SEMA3E: variants seen among roughly 807,000 people sequenced by gnomAD.
The protein encoded by SEMA3E is semaphorin-3E.
SEMA3E carries 49 observed loss-of-function variants against 93.6 expected under a neutral mutation model. The observed-to-expected ratio is 0.52, with a 90% confidence interval of 0.42 to 0.66. SEMA3E has a LOEUF of 0.66. SEMA3E is among the 30% of genes least tolerant of loss of function. SEMA3E has a pLI of 0.00. For synonymous variants in SEMA3E, 363 were observed against 330.7 expected (o/e 1.10, Z -1.06); for missense variants, 906 against 964.8 (o/e 0.94, Z 0.81).
At chr7:83,385,470 G>C (rs538773592) in intron 15 of SEMA3E, 37 bp from the exon 16 acceptor site, 3 of 1,604,122 alleles carry the variant, frequency 1.9e-6, no homozygotes, top group Middle Eastern at 1.7e-4. Context: ...TTGAGACTTA[G>C]ATTTTATAGG....
rs34741502 is a variant in SEMA3E at position 83,431,949 on chromosome 7, C to CTTT, written c.457-13469_457-13467dup. On this transcript the variant is annotated intron_variant, in intron 4 of 16. Transcript: ENST00000643230. ...TATTCACTCCCCAATTAATTGGTGA[C>CTTT]TTTTTTTTTTTTTTTTGGAATGCTC... Among the ~76,000 whole-genome samples, 172 of 139,160 alleles carry CTTT rather than the reference C, an allele frequency of 1.2e-3. 1 individual carries two copies. Among genetic ancestry groups the CTTT allele is most frequent in the Middle Eastern group, 7.6e-3 (2 of 264 alleles). The allele number at this position is 139,160 out of a possible 152,430, so 91.3% of individuals were successfully genotyped here.
chr7:83,648,133 T>C (rs1271602110), intron 1 of SEMA3E, among the ~76,000 whole-genome samples: 3 of 152,090 alleles, frequency 2.0e-5, no homozygotes, highest in Non-Finnish European at 2.9e-5. Flanking sequence ...CTTCCTCCCT[T>C]CCTGTGTTCC....
chr7:83,451,173 T>A (rs1789351500), intron 4 of SEMA3E, among the ~76,000 whole-genome samples: 1 of 152,172 alleles, frequency 6.6e-6, no homozygotes. Flanking sequence ...GATTGTAAGT[T>A]TCCTGAGGCT....
intron 1 of SEMA3E, among the ~76,000 whole-genome samples, chr7:83,537,995 T>C (rs567837615): frequency 6.6e-6 from 1 of 152,268 alleles, no homozygotes; most frequent in South Asian, 2.1e-4. Flanking sequence ...TTTTATAACT[T>C]GTTTTTTTTA....
At chr7:83,427,574 C>A (rs1788797823) in intron 4 of SEMA3E, among the ~76,000 whole-genome samples, 1 of 152,140 alleles carries the variant, frequency 6.6e-6, no homozygotes. Flanking sequence ...TATTTATTTG[C>A]TTTGCATAGA....
intron 1 of SEMA3E, among the ~76,000 whole-genome samples, chr7:83,493,689 A>G (rs1790429926): frequency 6.6e-6 from 1 of 151,978 alleles, no homozygotes; most frequent in East Asian, 1.9e-4. Context: ...TTGAATTCCT[A>G]AGACATTAAG....
intron 4 of SEMA3E, among the ~76,000 whole-genome samples, chr7:83,420,054 G>A (rs1160417771): frequency 6.6e-6 from 1 of 152,084 alleles, no homozygotes; most frequent in Non-Finnish European, 1.5e-5. Context: ...AAAGACTGCT[G>A]AAAGTCTCCT....
rs79766516 is a variant in SEMA3E at position 83,647,416 on chromosome 7, G to T, written c.115+1012C>A. ...TTAAAAGCTTACACAATTGAAAAAT[G>T]ATTCTTATGTAATCCTGAGTATTAC... On this transcript the variant is annotated intron_variant, in intron 1 of 16. Transcript: ENST00000643230. Among the ~76,000 whole-genome samples the T allele has an allele frequency of 2.0e-5, 3 of 152,200 alleles. 1 individual carries two copies. The highest frequency in any genetic ancestry group is 3.9e-4 in the East Asian group (2 of 5,180).
intron 1 of SEMA3E, among the ~76,000 whole-genome samples, chr7:83,539,609 A>G (rs1791475486): frequency 6.6e-6 from 1 of 151,786 alleles, no homozygotes; most frequent in Non-Finnish European, 1.5e-5. Context: ...AGTTTCTTTC[A>G]GCTTTCCAAA....
intron 1 of SEMA3E, among the ~76,000 whole-genome samples, chr7:83,515,034 G>T (rs1219188059): frequency 3.3e-5 from 5 of 152,052 alleles, no homozygotes; most frequent in African/African-American, 9.7e-5. Flanking sequence ...AACCTCTGTT[G>T]CCAGTAGAAA....
At chr7:83,568,181 T>C (rs1792202967) in intron 1 of SEMA3E, among the ~76,000 whole-genome samples, 1 of 151,958 alleles carries the variant, frequency 6.6e-6, no homozygotes, top group Non-Finnish European at 1.5e-5. Context: ...TGAATCAGGA[T>C]GAAACAGTAA....
intron 4 of SEMA3E, among the ~76,000 whole-genome samples, chr7:83,426,826 G>T (rs1788779376): frequency 6.6e-6 from 1 of 151,902 alleles, no homozygotes; most frequent in Non-Finnish European, 1.5e-5. Flanking sequence ...TATTTTGATT[G>T]CCATTGGCTT....
chr7:83,469,393 A>C, intron 2 of SEMA3E, 91 bp from the exon 3 acceptor site: 2 of 699,600 alleles, frequency 2.9e-6, no homozygotes, highest in Admixed American at 2.9e-5. Context: ...AGTTCAAAAC[A>C]TTTCCTTTTT....
At chr7:83,372,179 T>A (rs1794758106) in intron 16 of SEMA3E, 1 of 397,472 alleles carries the variant, frequency 2.5e-6, no homozygotes, top group Admixed American at 4.4e-5. Context: ...AACTTCCAGG[T>A]AAATCCAATA....
At chr7:83,392,096 G>T (rs1788030092) in intron 14 of SEMA3E, among the ~76,000 whole-genome samples, 1 of 152,050 alleles carries the variant, frequency 6.6e-6, no homozygotes, top group South Asian at 2.1e-4. Flanking sequence ...GAGTTTGGAG[G>T]TCTTTAAGTA....
intron 1 of SEMA3E, among the ~76,000 whole-genome samples, chr7:83,498,408 T>G (rs1162274219): frequency 6.6e-6 from 1 of 152,218 alleles, no homozygotes; most frequent in African/African-American, 2.4e-5. Context: ...AAATCCGATT[T>G]TAGTATCCAT....
chr7:83,425,560 C>T (rs1222768187), intron 4 of SEMA3E, among the ~76,000 whole-genome samples: 1 of 152,106 alleles, frequency 6.6e-6, no homozygotes, highest in Non-Finnish European at 1.5e-5. Flanking sequence ...TCATTGACTA[C>T]CCATAGCCTC....
intron 1 of SEMA3E, among the ~76,000 whole-genome samples, chr7:83,554,705 G>A (rs1354922823): frequency 3.3e-5 from 5 of 152,070 alleles, no homozygotes; most frequent in African/African-American, 1.2e-4. Context: ...CTCTGGGTGC[G>A]GTGGCTCACT....
chr7:83,466,542 G>T lies in SEMA3E; in HGVS notation c.396C>A (p.Thr132=). Residue 132 remains threonine (T), a synonymous_variant, in exon 4 of 17, where the codon ACC becomes ACA. Transcript: ENST00000643230. The stretch of plus-strand genomic sequence containing the variant: ...CTGGATCAAAAGCTCCAGTACCACA[G>T]GTCAGAAGGTGTGTCCTGTTATAGT... ...LHHYNRTHLL[T]CGTGAFDPVC... 1 of 1,613,918 alleles carries T rather than the reference G, an allele frequency of 6.2e-7. No individual in the cohort carries two copies. The highest frequency in any genetic ancestry group is 8.5e-7 in the Non-Finnish European group (1 of 1,179,962).
Sources: gnomAD v4.1 joint callset for allele counts (sites outside exome capture counted in the v4.1 genomes callset) on GRCh38, gnomAD v4.1.1 for gene constraint, MANE v1.5 for transcripts, NCBI Gene and HGNC (gene_info 2026-07-23, HGNC 2026-07-21) for gene names.